The following RTL4 variants were observed in gnomAD, a reference collection of about 807,000 sequenced individuals.
RTL4 encodes the protein retrotransposon Gag-like protein 4.
In RTL4, 4 loss-of-function variants were observed where a neutral mutation model predicts 5.3. The ratio of observed to expected loss-of-function variants is 0.75; its 90% CI spans 0.37 to 1.72. The LOEUF is 1.72. Among genes scored for constraint, RTL4 ranks in the 40% most tolerant of loss-of-function variants. The probability of loss-of-function intolerance (pLI) is 0.04; values close to 1 mark genes in which losing one functional copy is unlikely to be tolerated. For synonymous variants in RTL4, 98 were observed against 87.3 expected, an observed-to-expected ratio of 1.12 and a Z score of -0.68; for missense variants, 260 against 227.1, an observed-to-expected ratio of 1.14 and a Z score of -0.93.
chrX:112,175,859 C>T, the RTL4 span, among the ~76,000 whole-genome samples: 2 of 111,134 alleles, frequency 1.8e-5, no homozygotes, highest in African/African-American at 3.3e-5. Context: ...ACTCAGCATA[C>T]TGTTGGAAGT....
At chrX:112,187,770 C>A in the RTL4 span, among the ~76,000 whole-genome samples, 1 of 111,534 alleles carries the variant, frequency 9.0e-6, no homozygotes, top group South Asian at 3.8e-4. Flanking sequence ...AGGTGAATAA[C>A]CTCCAAAACT....
At chrX:112,356,579 G>GGGGTGTGTGTGTGTGT in the RTL4 span, among the ~76,000 whole-genome samples, 5 of 99,438 alleles carry the variant, frequency 5.0e-5, no homozygotes, top group African/African-American at 1.9e-4. Context: ...TTTGTTTTGG[G>GGGGTGTGTGTGTGTGT]GTGTGTGTGT....
At chrX:112,352,526 G>T in the RTL4 span, among the ~76,000 whole-genome samples, 3 of 110,657 alleles carry the variant, frequency 2.7e-5, no homozygotes, top group African/African-American at 9.9e-5. Flanking sequence ...AAATAATGCT[G>T]CATATCTACA....
chrX:112,131,604 C>G, the RTL4 span, among the ~76,000 whole-genome samples: 1 of 111,656 alleles, frequency 9.0e-6, no homozygotes, highest in African/African-American at 3.3e-5. Context: ...TGCCTTTTTT[C>G]CCCCTTCACT....
the RTL4 span, among the ~76,000 whole-genome samples, chrX:112,373,110 TTGTACATATTTTCAGTGTAACTTA>T: frequency 8.9e-6 from 1 of 111,871 alleles, no homozygotes; most frequent in African/African-American, 3.2e-5. Context: ...ACGGACATTC[TTGTACATATTTTCAGTGTAACTTA>T]TGTACACATT....
the RTL4 span, among the ~76,000 whole-genome samples, chrX:112,171,130 A>G: frequency 1.8e-5 from 2 of 111,773 alleles, no homozygotes; most frequent in Non-Finnish European, 3.8e-5. Flanking sequence ...CTTTGATGTG[A>G]TGCTGGATTT....
chrX:112,212,585 C>A, the RTL4 span, among the ~76,000 whole-genome samples: 3 of 111,723 alleles, frequency 2.7e-5, no homozygotes, highest in South Asian at 1.1e-3. Context: ...GTCTTCCTAC[C>A]TGACACAAAG....
the RTL4 span, among the ~76,000 whole-genome samples, chrX:112,438,977 G>T: frequency 2.7e-5 from 3 of 111,835 alleles, no homozygotes; most frequent in African/African-American, 9.8e-5. Context: ...GTCGAAGCTA[G>T]TAAGCTTTAA....
chrX:112,126,201 T>C, the RTL4 span, among the ~76,000 whole-genome samples: 1 of 111,773 alleles, frequency 8.9e-6, no homozygotes, highest in African/African-American at 3.3e-5. Context: ...CTCACACATA[T>C]TTGCAATTGA....
chrX:112,329,938 G>A, the RTL4 span, among the ~76,000 whole-genome samples: 3 of 108,438 alleles, frequency 2.8e-5, no homozygotes, highest in African/African-American at 6.8e-5. Flanking sequence ...ATGCAGAAAA[G>A]GCCTTTGACA....
chrX:112,350,189 C>G, the RTL4 span, among the ~76,000 whole-genome samples: 29 of 110,985 alleles, frequency 2.6e-4, no homozygotes, highest in African/African-American at 8.5e-4. Context: ...TATGTTGAAC[C>G]AGCCTTTCAT....
At chrX:112,302,293 A>G in the RTL4 span, among the ~76,000 whole-genome samples, 27 of 109,271 alleles carry the variant, frequency 2.5e-4, no homozygotes, top group Non-Finnish European at 4.2e-4. Flanking sequence ...CTTTGGACTT[A>G]AGACTTAAGA....
At chrX:112,327,241 G>T in the RTL4 span, among the ~76,000 whole-genome samples, 3 of 111,659 alleles carry the variant, frequency 2.7e-5, no homozygotes, top group African/African-American at 9.8e-5. Context: ...CAAAGGCAAA[G>T]AAGTTGAAAA....
At chrX:112,273,426 G>T in the RTL4 span, among the ~76,000 whole-genome samples, 1 of 110,425 alleles carries the variant, frequency 9.1e-6, no homozygotes, top group African/African-American at 3.3e-5. Context: ...GCTAATTTTT[G>T]TATTTTTAGT....
the RTL4 span, among the ~76,000 whole-genome samples, chrX:112,237,942 G>A: frequency 8.9e-6 from 1 of 111,784 alleles, no homozygotes; most frequent in South Asian, 3.7e-4. Context: ...CCAGTGTTAG[G>A]AAGGTGGCCC....
the RTL4 span, among the ~76,000 whole-genome samples, chrX:112,137,425 G>A: frequency 8.9e-6 from 1 of 111,995 alleles, no homozygotes; most frequent in Non-Finnish European, 1.9e-5. Flanking sequence ...GGGGGCCTCA[G>A]GAAACTTGCA....
the RTL4 span, among the ~76,000 whole-genome samples, chrX:112,436,867 G>T: frequency 9.0e-6 from 1 of 111,364 alleles, no homozygotes; most frequent in Non-Finnish European, 1.9e-5. Flanking sequence ...GAAAAAGTCA[G>T]TAGTCACCCA....
chrX:112,279,008 T>C, the RTL4 span, among the ~76,000 whole-genome samples: 1 of 110,676 alleles, frequency 9.0e-6, no homozygotes, highest in Non-Finnish European at 1.9e-5. Context: ...GATAAAGTTA[T>C]GGAAATCTCA....
At chrX:112,427,500 T>C in the RTL4 span, among the ~76,000 whole-genome samples, 1 of 111,133 alleles carries the variant, frequency 9.0e-6, no homozygotes, top group African/African-American at 3.3e-5. Flanking sequence ...TCATACTTAA[T>C]ATGAGAAACT....
Sources: allele counts gnomAD v4.1 joint callset (sites outside exome capture counted in the v4.1 genomes callset), GRCh38; gene constraint gnomAD v4.1.1; transcripts MANE v1.5; gene names NCBI Gene and HGNC (gene_info 2026-07-23, HGNC 2026-07-21).